Variants in CSMD1 observed in about 807,000 individuals in gnomAD.
CSMD1 encodes the protein CUB and Sushi multiple domains 1, also known as CUB and sushi domain-containing protein 1.
In CSMD1, 213 loss-of-function variants were observed where a neutral mutation model predicts 417.5. The observed-to-expected ratio is 0.51, with a 90% CI of 0.46 to 0.57. The LOEUF (loss-of-function observed/expected upper bound fraction) is 0.57, where lower values mean the gene tolerates loss of function less well. CSMD1 is among the 20% of genes least tolerant of loss of function. CSMD1 has a pLI of 0.00. For synonymous variants in CSMD1, 2,862 were observed against 1,736.8 expected (o/e 1.65, Z -16.11); for missense variants, 6,923 against 4,529.7 (o/e 1.53, Z -15.17).
At chr8:4,311,642 G>T (rs1311507665) in intron 3 of CSMD1, among the ~76,000 whole-genome samples, 2 of 150,356 alleles carry the variant, frequency 1.3e-5, no homozygotes, top group African/African-American at 4.9e-5. Flanking sequence ...AGAATTGCTT[G>T]AACCTGGGAG....
In CSMD1 at chr8:2,935,781, T is replaced by A. The variant is rs1801414115; in HGVS notation, c.*2804A>T. The A allele has an allele frequency of 6.6e-6, 1 of 152,230 alleles. No homozygotes were observed. Among genetic ancestry groups the A allele is most frequent in the African/African-American group, 2.4e-5 (1 of 41,450 alleles). The allele number at this position is 152,230 out of a possible 1,614,324, so 9.4% of individuals were successfully genotyped here. A position where few individuals can be genotyped will look rare whatever the true frequency, so the allele number is the denominator to read the frequency against. On this transcript the variant is annotated 3_prime_UTR_variant, in exon 70 of 70. Coordinates refer to ENST00000635120, the MANE Select transcript of CSMD1 (RefSeq NM_033225.6). ...TCCTGATCATAATGCCAGCGTTCTT[T>A]TTTTTACCCCCTTTTTATAATAGCT...
At chr8:4,918,826 T>C (rs559948949) in intron 1 of CSMD1, among the ~76,000 whole-genome samples, 9 of 152,340 alleles carry the variant, frequency 5.9e-5, no homozygotes, top group African/African-American at 2.2e-4. Context: ...TGTTTGTACA[T>C]ATATGCAGAT....
intron 54 of CSMD1, among the ~76,000 whole-genome samples, chr8:2,979,212 A>G (rs1468878352): frequency 6.6e-6 from 1 of 152,254 alleles, no homozygotes; most frequent in African/African-American, 2.4e-5. Context: ...CCCAACACAC[A>G]TACACACCTA....
At chr8:4,934,074 T>C (rs974028459) in intron 1 of CSMD1, among the ~76,000 whole-genome samples, 1 of 152,040 alleles carries the variant, frequency 6.6e-6, no homozygotes, top group African/African-American at 2.4e-5. Context: ...AAGGTCTCCA[T>C]GAACTGAGAA....
At chr8:4,613,340 AG>A (rs1337411528) in intron 2 of CSMD1, among the ~76,000 whole-genome samples, 1 of 152,204 alleles carries the variant, frequency 6.6e-6, no homozygotes, top group African/African-American at 2.4e-5. Flanking sequence ...CCATGTCTAC[AG>A]GGTTGTCATT....
chr8:4,614,688 G>T (rs543090309), intron 2 of CSMD1, among the ~76,000 whole-genome samples: 7 of 151,928 alleles, frequency 4.6e-5, no homozygotes, highest in Non-Finnish European at 1.0e-4. Flanking sequence ...CTGGATGCAC[G>T]AATGCACACC....
intron 52 of CSMD1, among the ~76,000 whole-genome samples, chr8:3,008,123 T>C (rs901137557): frequency 2.6e-5 from 4 of 152,228 alleles, no homozygotes; most frequent in Admixed American, 1.3e-4. Context: ...GGATGGAGTA[T>C]TGAGTCCATT....
At chr8:4,291,487 C>T (rs1797361161) in intron 3 of CSMD1, among the ~76,000 whole-genome samples, 1 of 151,986 alleles carries the variant, frequency 6.6e-6, no homozygotes, top group African/African-American at 2.4e-5. Flanking sequence ...CTACTAATTC[C>T]CAGTGATTCT....
chr8:4,746,320 G>C (rs922417918), intron 1 of CSMD1, among the ~76,000 whole-genome samples: 3 of 152,174 alleles, frequency 2.0e-5, no homozygotes, highest in East Asian at 1.9e-4. Context: ...ACTCAGAATA[G>C]CGACTGTAGG....
At chr8:4,809,907 G>A (rs532517968) in intron 1 of CSMD1, among the ~76,000 whole-genome samples, 91 of 152,192 alleles carry the variant, frequency 6.0e-4, no homozygotes, top group African/African-American at 1.8e-3. Context: ...ATCCAAGTCC[G>A]GCCACTTACC....
intron 26 of CSMD1, among the ~76,000 whole-genome samples, chr8:3,253,011 C>G (rs1291755095): frequency 6.6e-6 from 1 of 151,980 alleles, no homozygotes; most frequent in African/African-American, 2.4e-5. Context: ...TTCAAAAAAC[C>G]AGCTCCTGGA....
chr8:3,320,321 G>A (rs1027109145), intron 23 of CSMD1, among the ~76,000 whole-genome samples: 2 of 152,048 alleles, frequency 1.3e-5, no homozygotes, highest in Non-Finnish European at 2.9e-5. Context: ...CCCTGCCCCT[G>A]CCTCGTGCCT....
chr8:4,145,710 A>C (rs573029530), intron 3 of CSMD1, among the ~76,000 whole-genome samples: 4 of 151,010 alleles, frequency 2.6e-5, no homozygotes, highest in African/African-American at 7.4e-5. Context: ...TTCTTAATGA[A>C]GAACATATAT....
At chr8:2,982,644 G>A (rs908040503) in intron 54 of CSMD1, among the ~76,000 whole-genome samples, 1 of 152,300 alleles carries the variant, frequency 6.6e-6, no homozygotes, top group Non-Finnish European at 1.5e-5. Flanking sequence ...CACTATGACC[G>A]CGGCTCCACC....
intron 4 of CSMD1, among the ~76,000 whole-genome samples, chr8:4,023,476 C>T (rs1007682176): frequency 3.3e-5 from 5 of 151,988 alleles, no homozygotes; most frequent in African/African-American, 4.8e-5. Context: ...TTAGGGATTG[C>T]AATGTTGGAA....
chr8:4,858,184 T>A (rs552073462), intron 1 of CSMD1, among the ~76,000 whole-genome samples: 2 of 149,154 alleles, frequency 1.3e-5, no homozygotes, highest in South Asian at 4.3e-4. Flanking sequence ...TCTCAATAGA[T>A]GCAGAAAAAG....
At chr8:3,756,946 C>G (rs572333351) in intron 5 of CSMD1, among the ~76,000 whole-genome samples, 1 of 152,102 alleles carries the variant, frequency 6.6e-6, no homozygotes, top group Non-Finnish European at 1.5e-5. Flanking sequence ...TATGTGCACA[C>G]CATATCTGGA....
intron 4 of CSMD1, among the ~76,000 whole-genome samples, chr8:4,014,767 T>C (rs1426486499): frequency 6.6e-6 from 1 of 152,174 alleles, no homozygotes. Flanking sequence ...GGCATTTACC[T>C]GGGCATGGAT....
intron 7 of CSMD1, among the ~76,000 whole-genome samples, chr8:3,622,797 TCCACA>T (rs58768696): frequency 0.67 from 101,214 of 151,706 alleles, 34,179 homozygotes; most frequent in African/African-American, 0.74. Context: ...ATGTATTCCA[TCCACA>T]CCATGAGTCA....
Sources: allele counts gnomAD v4.1 joint callset (sites outside exome capture counted in the v4.1 genomes callset), GRCh38; gene constraint gnomAD v4.1.1; transcripts MANE v1.5; gene names NCBI Gene and HGNC (gene_info 2026-07-23, HGNC 2026-07-21).